Variants in ALK observed in about 807,000 individuals in gnomAD.
ALK encodes ALK tyrosine kinase receptor.
A neutral mutation model predicts 163.1 loss-of-function variants in ALK; 74 were observed. The observed-to-expected ratio is 0.45, with a 90% CI of 0.38 to 0.55. The LOEUF is 0.55. Ranked by LOEUF, ALK falls within the 20% of genes least tolerant of loss-of-function variation. The pLI, the probability that ALK is intolerant of heterozygous loss-of-function variation, is 0.00. For synonymous variants in ALK, 960 were observed against 843.2 expected (o/e 1.14, Z -2.40); for missense variants, 2,063 against 2,105.3 (o/e 0.98, Z 0.39).
At chr2:29,455,670 C>T (rs1243071009) in intron 4 of ALK, among the ~76,000 whole-genome samples, 3 of 152,128 alleles carry the variant, frequency 2.0e-5, no homozygotes, top group Non-Finnish European at 2.9e-5. Flanking sequence ...AACCTTCCTC[C>T]GGATGCAAGA....
At chr2:29,662,192 A>T (rs548804962) in intron 3 of ALK, among the ~76,000 whole-genome samples, 55 of 152,254 alleles carry the variant, frequency 3.6e-4, no homozygotes, top group Admixed American at 7.2e-4. Flanking sequence ...GATTACAGGC[A>T]TGAGCCACCA....
At chr2:29,666,739 T>C (rs1424304967) in intron 3 of ALK, among the ~76,000 whole-genome samples, 3 of 152,060 alleles carry the variant, frequency 2.0e-5, no homozygotes, top group Non-Finnish European at 4.4e-5. Context: ...AACATACACA[T>C]AAAATTTACT....
chr2:29,886,161 T>C (rs570088511), intron 1 of ALK, among the ~76,000 whole-genome samples: 2 of 152,362 alleles, frequency 1.3e-5, no homozygotes, highest in East Asian at 3.9e-4. Flanking sequence ...TTTCCTTTCC[T>C]CTGGCTTATT....
chr2:29,800,594 A>T (rs1664441757), intron 1 of ALK, among the ~76,000 whole-genome samples: 1 of 152,138 alleles, frequency 6.6e-6, no homozygotes, highest in Admixed American at 6.5e-5. Context: ...GGATTAGGGT[A>T]CCCAGGAATT....
At chr2:29,768,467 T>A (rs1680923614) in intron 1 of ALK, among the ~76,000 whole-genome samples, 4 of 152,092 alleles carry the variant, frequency 2.6e-5, no homozygotes, top group Admixed American at 2.0e-4. Context: ...TAATACTAAT[T>A]TCCATATGTC....
intron 4 of ALK, among the ~76,000 whole-genome samples, chr2:29,438,597 A>G (rs898981340): frequency 6.6e-6 from 1 of 152,258 alleles, no homozygotes; most frequent in Admixed American, 6.5e-5. Context: ...TCAAATAGAA[A>G]GCAAAGAAAT....
intron 1 of ALK, among the ~76,000 whole-genome samples, chr2:29,755,576 G>A (rs1045411788): frequency 4.6e-5 from 7 of 152,230 alleles, no homozygotes; most frequent in African/African-American, 1.7e-4. Flanking sequence ...TGGGTTTGAA[G>A]AGGGAGGAAT....
intron 1 of ALK, among the ~76,000 whole-genome samples, chr2:29,723,756 A>G (rs935678333): frequency 2.0e-5 from 3 of 152,232 alleles, no homozygotes; most frequent in African/African-American, 7.2e-5. Flanking sequence ...GTCTTTCAGT[A>G]TCAGTCATAT....
At chr2:29,758,400 C>A (rs1230954564) in intron 1 of ALK, among the ~76,000 whole-genome samples, 2 of 152,196 alleles carry the variant, frequency 1.3e-5, no homozygotes, top group Admixed American at 1.3e-4. Flanking sequence ...TAAGGTTCAA[C>A]CATGGCACCT....
intron 4 of ALK, among the ~76,000 whole-genome samples, chr2:29,444,312 A>C (rs1024223399): frequency 1.3e-5 from 2 of 152,192 alleles, no homozygotes; most frequent in African/African-American, 2.4e-5. Flanking sequence ...GATGCAGGGC[A>C]GGCAGGTGGC....
At chr2:29,833,280 C>T (rs1036253173) in intron 1 of ALK, among the ~76,000 whole-genome samples, 5 of 152,246 alleles carry the variant, frequency 3.3e-5, no homozygotes, top group South Asian at 2.1e-4. Flanking sequence ...CCACCCCTCA[C>T]GGCACCTGTG....
At chr2:29,322,948 C>T (rs1667116145) in intron 6 of ALK, among the ~76,000 whole-genome samples, 1 of 152,188 alleles carries the variant, frequency 6.6e-6, no homozygotes, top group Admixed American at 6.5e-5. Context: ...GGGAGATGCA[C>T]AGTACGTCAC....
intron 1 of ALK, among the ~76,000 whole-genome samples, chr2:29,753,065 C>A (rs1680417965): frequency 6.6e-6 from 1 of 152,082 alleles, no homozygotes; most frequent in African/African-American, 2.4e-5. Context: ...TCAGAAAAGG[C>A]CTTTGAATGT....
intron 1 of ALK, among the ~76,000 whole-genome samples, chr2:29,726,674 G>A (rs1232146406): frequency 6.6e-6 from 1 of 152,206 alleles, no homozygotes; most frequent in Non-Finnish European, 1.5e-5. Flanking sequence ...GCCCTGGGGA[G>A]AGTGTGACCC....
chr2:29,890,594 G>A (rs1273655130), intron 1 of ALK: 1 of 152,186 alleles, frequency 6.6e-6, no homozygotes, highest in Non-Finnish European at 1.5e-5. Flanking sequence ...CTATTTGAAT[G>A]ATGTTAAACA....
chr2:29,523,884 T>A (rs1672882651), intron 4 of ALK, among the ~76,000 whole-genome samples: 1 of 75,236 alleles, frequency 1.3e-5, no homozygotes, highest in South Asian at 4.9e-4. Context: ...TTTTTTTTTT[T>A]TTTTTTTATG....
At chr2:29,672,012 A>T (rs909341805) in intron 3 of ALK, among the ~76,000 whole-genome samples, 1 of 151,178 alleles carries the variant, frequency 6.6e-6, no homozygotes, top group African/African-American at 2.4e-5. Flanking sequence ...TCCAAAAGTA[A>T]TTGGCAATAA....
chr2:29,790,182 AT>A lies in ALK; in HGVS notation c.668-72486del, dbSNP rs144585105. ...GCATGATTACAGCAATGTTAATGTC[AT>A]TTTTTTTTAAGAAGAGTAAACCACA... On this transcript the variant is annotated intron_variant, in intron 1 of 28. Transcript: ENST00000389048. Among the ~76,000 whole-genome samples the A allele has an allele frequency of 7.3e-5, 11 of 151,406 alleles. No individual in the cohort carries two copies. The South Asian group carries it at 1.5e-3, about 20-fold the overall frequency.
chr2:29,729,203 C>G (rs1679666331), intron 1 of ALK, among the ~76,000 whole-genome samples: 1 of 152,246 alleles, frequency 6.6e-6, no homozygotes, highest in Non-Finnish European at 1.5e-5. Context: ...TTGCAGCCAT[C>G]TGGGTCACGG....
Sources: allele counts gnomAD v4.1 joint callset (sites outside exome capture counted in the v4.1 genomes callset), GRCh38; gene constraint gnomAD v4.1.1; transcripts MANE v1.5; gene names NCBI Gene and HGNC (gene_info 2026-07-23, HGNC 2026-07-21).